Variants in FSTL3 observed in about 807,000 individuals in gnomAD.
FSTL3 encodes follistatin like 3.
In FSTL3, 21 loss-of-function variants were observed where a neutral mutation model predicts 28.1. The observed-to-expected ratio is 0.75, with a 90% CI of 0.53 to 1.08. The LOEUF is 1.08. Among genes scored for constraint, FSTL3 ranks in the 50% least tolerant of loss-of-function variants. FSTL3 has a pLI of 0.00. For missense variants in FSTL3, 400 were observed against 380.9 expected, an observed-to-expected ratio of 1.05 and a Z score of -0.42; for synonymous variants, 199 against 164.2, an observed-to-expected ratio of 1.21 and a Z score of -1.62.
intron 3 of FSTL3, chr19:681,004 G>T (rs1446834407): frequency 1.3e-5 from 5 of 383,268 alleles, no homozygotes; most frequent in Non-Finnish European, 2.4e-5. Context: ...TGGCTGGGGC[G>T]TGGTTCCTGG....
At chr19:681,590 G>A (rs1220479531) in intron 4 of FSTL3, 30 bp downstream of exon 4, 1 of 1,598,778 alleles carries the variant, frequency 6.3e-7, no homozygotes, top group Non-Finnish European at 8.5e-7. Flanking sequence ...GCACAGGCCT[G>A]TCCTGGGGGC....
chr19:682,156 A>G lies in FSTL3; in HGVS notation c.*448A>G. 1 of 349,740 alleles carries G rather than the reference A, an allele frequency of 2.9e-6. No homozygotes were observed. Among genetic ancestry groups the G allele is most frequent in the East Asian group, 4.6e-5 (1 of 21,904 alleles). 21.7% of individuals were successfully genotyped at this position (349,740 alleles called of 1,614,324 possible). A position where few individuals can be genotyped will look rare whatever the true frequency, so the allele number is the denominator to read the frequency against. On this transcript the variant is annotated 3_prime_UTR_variant, in exon 5 of 5. Coordinates refer to ENST00000166139, the MANE Select transcript of FSTL3 (RefSeq NM_005860.3). Reference sequence around the variant, plus strand: ...TACGGAGGGTCTAGCCTGGGTGTGTACGGAGGGTCTAGCCTGGGTGAGTAC... The same window carrying G: ...TACGGAGGGTCTAGCCTGGGTGTGTGCGGAGGGTCTAGCCTGGGTGAGTAC...
At chr19:681,147 C>T (rs1425523940) in intron 3 of FSTL3, among the ~76,000 whole-genome samples, 186 bp from the exon 4 acceptor site, 1 of 88,774 alleles carries the variant, frequency 1.1e-5, no homozygotes, top group Non-Finnish European at 2.2e-5. Context: ...ATGGGAAGGG[C>T]AGGGCTTGTG....
intron 2 of FSTL3, among the ~76,000 whole-genome samples, chr19:678,768 C>T (rs956007828): frequency 2.6e-5 from 4 of 152,188 alleles, no homozygotes; most frequent in African/African-American, 4.8e-5. Flanking sequence ...GCCTTGGCCT[C>T]CCAAAGTGCT....
intron 2 of FSTL3, among the ~76,000 whole-genome samples, chr19:678,541 C>G (rs569090229): frequency 7.5e-6 from 1 of 133,504 alleles, no homozygotes; most frequent in Admixed American, 8.3e-5. Flanking sequence ...GATGGAGCCT[C>G]GCTCTGTCAC....
At chr19:680,184 G>C in intron 2 of FSTL3, 90 bp from the exon 3 acceptor site, 1 of 763,620 alleles carries the variant, frequency 1.3e-6, no homozygotes, top group South Asian at 3.6e-5. Context: ...CCTGCAGAAG[G>C]GGCGCAGGGA....
At chr19:680,601 C>T (rs1382315514) in intron 3 of FSTL3, 112 bp downstream of exon 3, 3 of 586,758 alleles carry the variant, frequency 5.1e-6, no homozygotes, top group Non-Finnish European at 7.4e-6. Flanking sequence ...GCGGGACCAC[C>T]CGGACCTGAG....
At position 681,989 on chromosome 19, in the gene FSTL3, C is replaced by T. The variant is rs1187025183; in HGVS notation, c.*281C>T. ...CAGCCCCTACCCTAAGACCTATTGC[C>T]GGGGAGGATTCCACACTTCCGCTCC... On this transcript the variant is annotated 3_prime_UTR_variant, in exon 5 of 5. Transcript: ENST00000166139. 5.9e-5 allele frequency: 32 copies of T among 543,120 alleles called. No homozygotes were observed. Among genetic ancestry groups the T allele is most frequent in the Admixed American group, 4.4e-4 (14 of 32,178 alleles). The allele number at this position is 543,120 out of a possible 1,614,324, so 33.6% of individuals were successfully genotyped here. A position where few individuals can be genotyped will look rare whatever the true frequency, so the allele number is the denominator to read the frequency against.
intron 3 of FSTL3, chr19:680,740 C>T (rs972479984): frequency 2.8e-6 from 1 of 360,092 alleles, no homozygotes. Flanking sequence ...GGCCTCCAGC[C>T]CAGGACAGGT....
chr19:676,870 T>A (rs919622307), intron 1 of FSTL3, among the ~76,000 whole-genome samples: 1 of 151,482 alleles, frequency 6.6e-6, no homozygotes, highest in Non-Finnish European at 1.5e-5. Flanking sequence ...AAAGCCAGGG[T>A]TCTAGCCGCG....
At chr19:680,582 G>A (rs889702429) in intron 3 of FSTL3, 93 bp downstream of exon 3, 29 of 781,122 alleles carry the variant, frequency 3.7e-5, no homozygotes, top group Non-Finnish European at 4.8e-5. Context: ...GGCGGGGGCG[G>A]GGCCTGGGGC....
intron 1 of FSTL3, among the ~76,000 whole-genome samples, chr19:677,140 G>A (rs1421261445): frequency 1.3e-5 from 2 of 152,168 alleles, no homozygotes; most frequent in African/African-American, 4.8e-5. Context: ...TGGGATGGGG[G>A]CTGTGGCCGT....
intron 2 of FSTL3, among the ~76,000 whole-genome samples, chr19:678,644 G>A (rs2031263816): frequency 6.6e-6 from 1 of 151,894 alleles, no homozygotes; most frequent in Non-Finnish European, 1.5e-5. Context: ...CCCAGGGGCT[G>A]GGACTGCAGG....
At position 682,174 on chromosome 19, in the gene FSTL3, G is replaced by T. The variant is rs997237100; in HGVS notation, c.*466G>T. The T allele has an allele frequency of 1.2e-5, 4 of 329,184 alleles. No homozygotes were observed. The highest frequency in any genetic ancestry group is 1.2e-5 in the Non-Finnish European group (2 of 173,204). 20.4% of individuals were successfully genotyped at this position (329,184 alleles called of 1,614,324 possible). A position where few individuals can be genotyped will look rare whatever the true frequency, so the allele number is the denominator to read the frequency against. On this transcript the variant is annotated 3_prime_UTR_variant, in exon 5 of 5. Transcript: ENST00000166139. ...GGTGTGTACGGAGGGTCTAGCCTGG[G>T]TGAGTACGGAGGGTCTAGCCTGGGT... is the stretch of plus-strand genomic sequence containing the variant.
chr19:680,353 C>T lies in FSTL3; in HGVS notation c.369C>T (p.Pro123=). ...LGGRPRCECA[P]DCSGLPARLQ... Reference sequence around the variant, plus strand: ...GCCGCCCGCGCTGCGAGTGCGCGCCCGACTGCTCGGGGCTCCCGGCGCGGC... The same window carrying T: ...GCCGCCCGCGCTGCGAGTGCGCGCCTGACTGCTCGGGGCTCCCGGCGCGGC... The change falls in exon 3 of 5, where the codon CCC becomes CCT. Residue 123 remains proline, a synonymous_variant. Transcript: ENST00000166139. The T allele has an allele frequency of 7.8e-7, 1 of 1,282,670 alleles. No individual in the cohort carries two copies. The highest frequency in any genetic ancestry group is 9.8e-7 in the Non-Finnish European group (1 of 1,018,000). The allele number at this position is 1,282,670 out of a possible 1,614,324, so 79.5% of individuals were successfully genotyped here.
chr19:681,202 C>A lies in FSTL3; in HGVS notation c.506-131C>A, dbSNP rs868235508. 3.5e-3 allele frequency: 1,692 copies of A among 484,582 alleles called. 7 individuals carry two copies. The highest frequency in any genetic ancestry group is 4.1e-3 in the Non-Finnish European group (1,186 of 288,688). 30.0% of individuals were successfully genotyped at this position (484,582 alleles called of 1,614,324 possible). A position where few individuals can be genotyped will look rare whatever the true frequency, so the allele number is the denominator to read the frequency against. On this transcript the variant is annotated intron_variant, in intron 3 of 4. Transcript: ENST00000166139. ...AATGGAGAGGGGGGCTCACGGGGGG[C>A]GGGGGGGTGCTTGTGTCTCCTACCA...
chr19:681,828 C>T lies in FSTL3; in HGVS notation c.*120C>T, dbSNP rs1455732676. On this transcript the variant is annotated 3_prime_UTR_variant, in exon 5 of 5. Coordinates refer to ENST00000166139, the MANE Select transcript of FSTL3 (RefSeq NM_005860.3). Reference sequence around the variant, plus strand: ...CTCCTTAGAGCCCGGATTCGGACCACTTGGGGATCCCAGAACCTCCCTGAC... The same window carrying T: ...CTCCTTAGAGCCCGGATTCGGACCATTTGGGGATCCCAGAACCTCCCTGAC... 6 of 886,048 alleles carry T rather than the reference C, an allele frequency of 6.8e-6. No homozygotes were observed. In the Admixed American group the frequency reaches 1.0e-4, roughly 15 times the overall value. 54.9% of individuals were successfully genotyped at this position (886,048 alleles called of 1,614,324 possible).
chr19:681,408 T>C lies in FSTL3; in HGVS notation c.581T>C (p.Val194Ala), dbSNP rs2031330780. ...VDQTGSAHCV[V>A]CRAAPCPVPS... is the part of the protein sequence containing the mutation. ...CAGACGGGCAGCGCCCACTGCGTGG[T>C]GTGTCGAGCGGCGCCCTGCCCTGTG... Residue 194 changes from valine (V) to alanine (A), a missense_variant, in exon 4 of 5, where the codon GTG becomes GCG. Transcript: ENST00000166139. 7 of 1,595,790 alleles carry C rather than the reference T, an allele frequency of 4.4e-6. No individual in the cohort carries two copies. The highest frequency in any genetic ancestry group is 5.9e-6 in the Non-Finnish European group (7 of 1,178,262).
intron 2 of FSTL3, chr19:680,007 C>CCCCCGCCCCGG (rs2031291541): frequency 9.8e-6 from 2 of 204,756 alleles, no homozygotes; most frequent in African/African-American, 5.7e-5. Context: ...AGAGACCCCC[C>CCCCCGCCCCGG]CCCGCCCCGG....
Sources: allele counts gnomAD v4.1 joint callset (sites outside exome capture counted in the v4.1 genomes callset), GRCh38; gene constraint gnomAD v4.1.1; transcripts MANE v1.5; gene names NCBI Gene and HGNC (gene_info 2026-07-23, HGNC 2026-07-21).